Variants in PRKAR2A observed in about 807,000 individuals in gnomAD.
The protein encoded by PRKAR2A is cAMP-dependent protein kinase type II-alpha regulatory subunit.
In PRKAR2A, 29 loss-of-function variants were observed where a neutral mutation model predicts 51.9. The observed-to-expected ratio is 0.56, with a 90% CI of 0.42 to 0.76. The LOEUF (loss-of-function observed/expected upper bound fraction) is 0.76. Ranked by LOEUF, PRKAR2A falls within the 30% of genes least tolerant of loss-of-function variation. PRKAR2A has a pLI of 0.00. For synonymous variants in PRKAR2A, 178 were observed against 186.2 expected, an observed-to-expected ratio of 0.96 and a Z score of 0.36; for missense variants, 445 against 512.1, an observed-to-expected ratio of 0.87 and a Z score of 1.26.
At chr3:48,753,221 C>A (rs1014122400) in intron 9 of PRKAR2A, among the ~76,000 whole-genome samples, 1 of 151,656 alleles carries the variant, frequency 6.6e-6, no homozygotes, top group African/African-American at 2.4e-5. Flanking sequence ...GCACTCCCCC[C>A]TCCCATTTTT....
intron 1 of PRKAR2A, among the ~76,000 whole-genome samples, chr3:48,815,424 C>G (rs967419598): frequency 6.6e-6 from 1 of 151,336 alleles, no homozygotes; most frequent in Non-Finnish European, 1.5e-5. Context: ...TGGACGGGCA[C>G]GGTGGCTCAC....
chr3:48,751,496 A>C lies in PRKAR2A; in HGVS notation c.*89T>G. 6.4e-7 allele frequency: 1 copy of C among 1,560,494 alleles called. No individual in the cohort carries two copies. The highest frequency in any genetic ancestry group is 8.7e-7 in the Non-Finnish European group (1 of 1,143,122). On this transcript the variant is annotated 3_prime_UTR_variant, in exon 11 of 11. Transcript: ENST00000265563. ...CAGCAGTGGCGGCAACGGCAGGAAC[A>C]GTTCTGTCATGTCTGTTTTCTGTAT...
chr3:48,820,448 A>G (rs2082942877), intron 1 of PRKAR2A, among the ~76,000 whole-genome samples: 1 of 152,210 alleles, frequency 6.6e-6, no homozygotes, highest in African/African-American at 2.4e-5. Flanking sequence ...TAAAACAGAG[A>G]ACCTGACTCC....
chr3:48,794,013 T>C lies in PRKAR2A; in HGVS notation c.335A>G (p.Glu112Gly), dbSNP rs1258072720. ...GGGTCTTACCCTTGGATCTGTATCT[T>C]CCTCTTCCTCATCAGGGTTATAGGT... ...AETYNPDEEE[E>G]DTDPRVIHPK... Residue 112 changes from glutamate to glycine, a missense_variant, in exon 3 of 11, where the codon GAA (glutamate) becomes GGA (glycine). Glu to Gly is a moderately conservative substitution (Grantham distance 98). Coordinates refer to ENST00000265563, the MANE Select transcript of PRKAR2A (RefSeq NM_004157.4). The C allele has an allele frequency of 6.2e-7, 1 of 1,605,438 alleles. No homozygotes were observed. Among genetic ancestry groups the C allele is most frequent in the Admixed American group, 1.7e-5 (1 of 59,924 alleles).
At chr3:48,808,678 T>C (rs1270009118) in intron 1 of PRKAR2A, among the ~76,000 whole-genome samples, 1 of 92,686 alleles carries the variant, frequency 1.1e-5, no homozygotes, top group Non-Finnish European at 2.2e-5. Flanking sequence ...GTGCCTGGCC[T>C]GTTAATTTTT....
intron 6 of PRKAR2A, among the ~76,000 whole-genome samples, chr3:48,769,669 G>T (rs1239735373): frequency 6.6e-6 from 1 of 151,894 alleles, no homozygotes; most frequent in African/African-American, 2.4e-5. Flanking sequence ...TAGAGACAGG[G>T]TTTCTCCATG....
intron 6 of PRKAR2A, among the ~76,000 whole-genome samples, chr3:48,768,078 T>C (rs2107240392): frequency 6.6e-6 from 1 of 151,884 alleles, no homozygotes; most frequent in Admixed American, 6.6e-5. Flanking sequence ...GTGGATTGTT[T>C]GAGCCCAGAA....
At chr3:48,770,026 G>A (rs1313000267) in intron 6 of PRKAR2A, among the ~76,000 whole-genome samples, 1 of 151,968 alleles carries the variant, frequency 6.6e-6, no homozygotes. Context: ...TTTGCCCACC[G>A]TGGCCTCCCA....
intron 1 of PRKAR2A, among the ~76,000 whole-genome samples, chr3:48,829,344 C>T (rs1315664068): frequency 6.6e-6 from 1 of 150,974 alleles, no homozygotes; most frequent in Non-Finnish European, 1.5e-5. Flanking sequence ...CATGGGGAAA[C>T]CCTGTCTATA....
intron 1 of PRKAR2A, among the ~76,000 whole-genome samples, chr3:48,845,424 G>A (rs763559088): frequency 2.0e-5 from 3 of 152,140 alleles, no homozygotes; most frequent in Non-Finnish European, 2.9e-5. Context: ...CTTCCCTGCC[G>A]TGACTTGAAT....
At chr3:48,746,353 TAAAAAAAAA>T (rs34195938), downstream of PRKAR2A, among the ~76,000 whole-genome samples, 2 of 68,276 alleles carry the variant, frequency 2.9e-5, no homozygotes, top group Admixed American at 1.9e-4. Flanking sequence ...ATCCTGTCAC[TAAAAAAAAA>T]AAAAAAAAAA....
At chr3:48,827,842 A>C (rs1473586217) in intron 1 of PRKAR2A, among the ~76,000 whole-genome samples, 1 of 152,114 alleles carries the variant, frequency 6.6e-6, no homozygotes, top group Admixed American at 6.6e-5. Flanking sequence ...AGCTTACTGT[A>C]ACTTTTACTT....
intron 8 of PRKAR2A, among the ~76,000 whole-genome samples, chr3:48,760,767 G>A (rs1027984206): frequency 6.6e-6 from 1 of 151,236 alleles, no homozygotes; most frequent in Non-Finnish European, 1.5e-5. Context: ...CACAGGAGGC[G>A]GGGGTGGTGG....
chr3:48,830,216 A>C (rs991995025), intron 1 of PRKAR2A, among the ~76,000 whole-genome samples: 1 of 152,096 alleles, frequency 6.6e-6, no homozygotes, highest in Non-Finnish European at 1.5e-5. Flanking sequence ...AAAAAAAAAA[A>C]AACTAAGACA....
intron 4 of PRKAR2A, 103 bp from the exon 5 acceptor site, chr3:48,783,195 C>T: frequency 5.4e-6 from 4 of 743,536 alleles, no homozygotes; most frequent in South Asian, 3.2e-5. Context: ...GAAGTCCCCA[C>T]ATTCAAGCAG....
intron 1 of PRKAR2A, among the ~76,000 whole-genome samples, chr3:48,818,837 A>C (rs2082913708): frequency 6.6e-6 from 1 of 152,208 alleles, no homozygotes; most frequent in Non-Finnish European, 1.5e-5. Context: ...ACCCGAGGGC[A>C]GACTTAATGA....
chr3:48,792,277 G>C (rs1257975807), intron 3 of PRKAR2A, among the ~76,000 whole-genome samples: 2 of 151,174 alleles, frequency 1.3e-5, no homozygotes, highest in Non-Finnish European at 2.9e-5. Context: ...GAGTAGCTGG[G>C]AGTACAGGCG....
At chr3:48,776,154 G>A (rs1410344233) in intron 5 of PRKAR2A, among the ~76,000 whole-genome samples, 2 of 152,048 alleles carry the variant, frequency 1.3e-5, no homozygotes, top group African/African-American at 2.4e-5. Context: ...TTTATCTATT[G>A]ATTGGCAATA....
At chr3:48,810,019 C>T (rs1337113876) in intron 1 of PRKAR2A, among the ~76,000 whole-genome samples, 1 of 152,174 alleles carries the variant, frequency 6.6e-6, no homozygotes, top group African/African-American at 2.4e-5. Context: ...CACATCATTT[C>T]TTGCTTGGAT....
Sources: gnomAD v4.1 joint callset for allele counts (sites outside exome capture counted in the v4.1 genomes callset) on GRCh38, gnomAD v4.1.1 for gene constraint, MANE v1.5 for transcripts, NCBI Gene and HGNC (gene_info 2026-07-23, HGNC 2026-07-21) for gene names.